Variants in CLSPN observed in about 807,000 individuals in gnomAD.
CLSPN encodes claspin, also known as claspin homolog.
Under a neutral mutation model 156.3 loss-of-function variants are expected in CLSPN, and 85 were observed. The observed-to-expected ratio is 0.54, with a 90% CI of 0.46 to 0.65. The LOEUF (loss-of-function observed/expected upper bound fraction) is 0.65, where lower values mean the gene tolerates loss of function less well. Among genes scored for constraint, CLSPN ranks in the 30% least tolerant of loss-of-function variants. The pLI, the probability that CLSPN is intolerant of heterozygous loss-of-function variation, is 0.00. For missense variants in CLSPN, 1,407 were observed against 1,554.9 expected, an observed-to-expected ratio of 0.90 and a Z score of 1.60; for synonymous variants, 534 against 542.4, an observed-to-expected ratio of 0.98 and a Z score of 0.22.
At chr1:35,769,347 C>T (rs1030918455) in intron 1 of CLSPN, among the ~76,000 whole-genome samples, 3 of 152,180 alleles carry the variant, frequency 2.0e-5, no homozygotes, top group African/African-American at 4.8e-5. Flanking sequence ...ACTCGGGGCC[C>T]GGTCGGAAAA....
chr1:35,753,660 T>G, intron 9 of CLSPN, 85 bp downstream of exon 9: 1 of 1,312,218 alleles, frequency 7.6e-7, no homozygotes, highest in Non-Finnish European at 1.1e-6. Context: ...TTCTATAACT[T>G]TTCATTATAA....
chr1:35,764,383 T>G lies in CLSPN; in HGVS notation c.465A>C (p.Ile155=), dbSNP rs761871203. The G allele has an allele frequency of 1.2e-6, 2 of 1,613,558 alleles. No individual in the cohort carries two copies. Among genetic ancestry groups the G allele is most frequent in the African/African-American group, 1.3e-5 (1 of 74,910 alleles). The change falls in exon 3 of 25, where the codon ATA becomes ATC. Residue 155 remains isoleucine (I), a synonymous_variant. Transcript: ENST00000318121. Reference sequence around the variant, plus strand: ...TTCCTGCAGTTCCTTCTTTATCATGTATGTGCTTTTTGGAACTCTTTCTGT... The same window carrying G: ...TTCCTGCAGTTCCTTCTTTATCATGGATGTGCTTTTTGGAACTCTTTCTGT... The part of the protein sequence containing the change: ...TTDRKSSKKH[I]HDKEGTAGKA...
chr1:35,726,773 C>T (rs1407741127), intron 24 of CLSPN, among the ~76,000 whole-genome samples: 2 of 152,112 alleles, frequency 1.3e-5, no homozygotes, highest in East Asian at 1.9e-4. Flanking sequence ...ACGGAGCTTG[C>T]CGGACGAGGA....
chr1:35,748,177 T>C (rs936306260), intron 13 of CLSPN, 116 bp from the exon 14 acceptor site: 6 of 1,212,848 alleles, frequency 4.9e-6, no homozygotes, highest in Non-Finnish European at 7.0e-6. Flanking sequence ...GAAATTGTAG[T>C]TGAGGGGGAC....
intron 24 of CLSPN, among the ~76,000 whole-genome samples, chr1:35,723,634 T>C (rs149727334): frequency 3.3e-5 from 5 of 152,322 alleles, no homozygotes; most frequent in African/African-American, 1.2e-4. Flanking sequence ...TGCCAGGTAC[T>C]GTGTTGGGAA....
chr1:35,742,744 T>TA (rs1641736634), intron 18 of CLSPN, among the ~76,000 whole-genome samples: 1 of 108,932 alleles, frequency 9.2e-6, no homozygotes, highest in Non-Finnish European at 1.8e-5. Context: ...AGTGATCAAC[T>TA]TTTTTTTTTT....
Position 35,733,982 on chromosome 1 carries a change from AAAT to A in CLSPN, c.*2511_*2513del. 1 of 984,036 alleles carries A rather than the reference AAAT, an allele frequency of 1.0e-6. No homozygotes were observed. Among genetic ancestry groups the A allele is most frequent in the Non-Finnish European group, 1.2e-6 (1 of 828,628 alleles). 61.0% of individuals were successfully genotyped at this position (984,036 alleles called of 1,614,324 possible). A position where few individuals can be genotyped will look rare whatever the true frequency, so the allele number is the denominator to read the frequency against. On this transcript the variant is annotated 3_prime_UTR_variant, in exon 25 of 25. Transcript: ENST00000318121. Reference sequence around the variant, plus strand: ...GCAACAGAATGAGACTGTCTCTAAAAAATAAGTTTTTTAAACAAAGAGCTATAA... The same window carrying A: ...GCAACAGAATGAGACTGTCTCTAAAAAAGTTTTTTAAACAAAGAGCTATAA...
At chr1:35,737,539 G>A (rs1039793559) in intron 22 of CLSPN, 118 bp from the exon 23 acceptor site, 34 of 736,276 alleles carry the variant, frequency 4.6e-5, no homozygotes, top group Non-Finnish European at 7.5e-5. Context: ...TGGGAACTCT[G>A]TTCTATATAA....
intron 3 of CLSPN, 35 bp from the exon 4 acceptor site, chr1:35,763,356 C>A: frequency 6.7e-7 from 1 of 1,481,992 alleles, no homozygotes; most frequent in East Asian, 2.5e-5. Flanking sequence ...ATAATCCAAT[C>A]ATTTAAAAAT....
intron 24 of CLSPN, among the ~76,000 whole-genome samples, chr1:35,721,598 G>A (rs1641076430): frequency 6.6e-6 from 1 of 151,944 alleles, no homozygotes; most frequent in Admixed American, 6.6e-5. Flanking sequence ...ATGTTGGTCA[G>A]GCTGATTTCA....
chr1:35,767,550 C>T (rs1021995497), intron 1 of CLSPN, among the ~76,000 whole-genome samples: 2 of 152,132 alleles, frequency 1.3e-5, no homozygotes, highest in Admixed American at 6.5e-5. Context: ...CACACCTGAC[C>T]TCATATGATG....
chr1:35,738,589 A>T lies in CLSPN; in HGVS notation c.3431-7T>A. The T allele has an allele frequency of 6.2e-7, 1 of 1,613,802 alleles. No homozygotes were observed. Among genetic ancestry groups the T allele is most frequent in the Non-Finnish European group, 8.5e-7 (1 of 1,179,836 alleles). On this transcript the variant is annotated splice_polypyrimidine_tract_variant and splice_region_variant and intron_variant, in intron 20 of 24. Coordinates refer to ENST00000318121, the MANE Select transcript of CLSPN (RefSeq NM_022111.4). ...TCCATCTGGGAAGCATCATCTAAAC[A>T]AAGAGTGAAGGTAATCAGCATTCGG...
chr1:35,756,029 C>G (rs753869329), intron 8 of CLSPN, among the ~76,000 whole-genome samples: 1 of 152,136 alleles, frequency 6.6e-6, no homozygotes, highest in African/African-American at 2.4e-5. Context: ...AATCATACTT[C>G]GGTGTTTTTG....
intron 10 of CLSPN, among the ~76,000 whole-genome samples, chr1:35,750,671 G>T (rs1384311351): frequency 2.0e-5 from 3 of 151,906 alleles, no homozygotes; most frequent in Non-Finnish European, 4.4e-5. Flanking sequence ...AGGATTACAG[G>T]CATGAGCCAC....
At chr1:35,729,365 C>T (rs1641265781), downstream of CLSPN, among the ~76,000 whole-genome samples, 1 of 152,178 alleles carries the variant, frequency 6.6e-6, no homozygotes, top group Non-Finnish European at 1.5e-5. Flanking sequence ...CTCAGGTGTC[C>T]ACCCCAACTC....
Position 35,763,342 on chromosome 1 carries a change from A to G in CLSPN, c.583-21T>C, listed in dbSNP as rs755693879. 1.8e-5 allele frequency: 28 copies of G among 1,541,464 alleles called. No individual in the cohort carries two copies. In the Middle Eastern group the frequency reaches 1.0e-3, roughly 57 times the overall value. On this transcript the variant is annotated intron_variant, in intron 3 of 24. Transcript: ENST00000318121. ...TCTTCCTAAGTAATACATAAACAAAAAGCATAATCCAATCATTTAAAAATC... is the reference window on the plus strand; with the variant it reads ...TCTTCCTAAGTAATACATAAACAAAGAGCATAATCCAATCATTTAAAAATC...
chr1:35,737,609 A>T, intron 22 of CLSPN, 188 bp from the exon 23 acceptor site: 1 of 545,046 alleles, frequency 1.8e-6, no homozygotes. Context: ...GTTGAACAGT[A>T]ATCATTTAAG....
chr1:35,753,902 A>C lies in CLSPN; in HGVS notation c.1614T>G (p.His538Gln), dbSNP rs1557516161. The C allele has an allele frequency of 1.2e-6, 2 of 1,614,052 alleles. No individual in the cohort carries two copies. Among genetic ancestry groups the C allele is most frequent in the African/African-American group, 2.7e-5 (2 of 74,916 alleles). Residue 538 changes from histidine to glutamine, a missense_variant, in exon 9 of 25, where the codon CAT (histidine) becomes CAG (glutamine). Physicochemically the swap from His to Gln is conservative, Grantham distance 24. Coordinates refer to ENST00000318121, the MANE Select transcript of CLSPN (RefSeq NM_022111.4). ...LEALKQRFWK[H>Q]ANPAAKPRAG... ...CCCTGGGTTTGGCTGCTGGATTAGC[A>C]TGCTTCCAGAAACGCTGCTTCAAGG... is the stretch of plus-strand genomic sequence containing the variant.
intron 10 of CLSPN, 45 bp downstream of exon 10, chr1:35,751,205 A>G (rs775970617): frequency 6.3e-6 from 10 of 1,577,074 alleles, no homozygotes; most frequent in African/African-American, 1.4e-5. Flanking sequence ...TTTTTCTCTC[A>G]TATTCACCAT....
Sources: allele counts gnomAD v4.1 joint callset (sites outside exome capture counted in the v4.1 genomes callset), GRCh38; gene constraint gnomAD v4.1.1; transcripts MANE v1.5; gene names NCBI Gene and HGNC (gene_info 2026-07-23, HGNC 2026-07-21).